Variants in THEMIS observed in about 807,000 individuals in gnomAD.
THEMIS encodes the protein protein THEMIS.
A neutral mutation model predicts 52.6 loss-of-function variants in THEMIS; 37 were observed. That is an observed-to-expected ratio of 0.70 (90% CI 0.54 to 0.93). The LOEUF (loss-of-function observed/expected upper bound fraction) is 0.93. Ranked by LOEUF, THEMIS falls within the 40% of genes least tolerant of loss-of-function variation. THEMIS has a pLI of 0.00. For synonymous variants in THEMIS, 292 were observed against 272.7 expected (o/e 1.07, Z -0.70); for missense variants, 808 against 763.1 (o/e 1.06, Z -0.69).
intron 1 of THEMIS, among the ~76,000 whole-genome samples, chr6:127,875,934 T>C (rs558011148): frequency 6.6e-6 from 1 of 152,320 alleles, no homozygotes; most frequent in Admixed American, 6.5e-5. Flanking sequence ...GGATGTCTGG[T>C]TATTAATATT....
intron 4 of THEMIS, among the ~76,000 whole-genome samples, chr6:127,723,369 C>T (rs1774428759): frequency 6.6e-6 from 1 of 152,056 alleles, no homozygotes; most frequent in Non-Finnish European, 1.5e-5. Context: ...CCTCCTTCCA[C>T]TCTGAGTGCT....
At chr6:127,907,377 C>T (rs112277793) in intron 1 of THEMIS, among the ~76,000 whole-genome samples, 1,518 of 60,538 alleles carry the variant, frequency 0.025, 15 homozygotes, top group Middle Eastern at 0.061. Context: ...GCATGAGCGA[C>T]ATTTCAGGGA....
chr6:127,759,923 G>A (rs1411422193), intron 4 of THEMIS, among the ~76,000 whole-genome samples: 1 of 131,846 alleles, frequency 7.6e-6, no homozygotes, highest in Non-Finnish European at 1.5e-5. Flanking sequence ...ATAATCTCTT[G>A]TTCATAGGGT....
At chr6:127,862,671 C>T (rs987323236) in intron 1 of THEMIS, among the ~76,000 whole-genome samples, 13 of 151,808 alleles carry the variant, frequency 8.6e-5, no homozygotes, top group South Asian at 4.2e-4. Flanking sequence ...CCACCCACCT[C>T]GGCCTCCCAA....
Position 127,709,510 on chromosome 6 carries a change from T to G in THEMIS, c.*475A>C, listed in dbSNP as rs1359648101. On this transcript the variant is annotated 3_prime_UTR_variant, in exon 6 of 6. Coordinates refer to ENST00000368248, the MANE Select transcript of THEMIS (RefSeq NM_001010923.3). ...ATTTGGATAAGAAACCTGAACATTT[T>G]AAATCAGTCAGATATAATTATTTTT... is the stretch of plus-strand genomic sequence containing the variant. 2 of 152,518 alleles carry G rather than the reference T, an allele frequency of 1.3e-5. No individual in the cohort carries two copies. The highest frequency in any genetic ancestry group is 1.5e-5 in the Non-Finnish European group (1 of 68,320). The allele number at this position is 152,518 out of a possible 1,614,324, so 9.4% of individuals were successfully genotyped here. A position where few individuals can be genotyped will look rare whatever the true frequency, so the allele number is the denominator to read the frequency against.
In THEMIS at chr6:127,859,784, T is replaced by G. The variant is rs371018569; in HGVS notation, c.92-4596A>C. Among the ~76,000 whole-genome samples, 57 of 152,272 alleles carry G rather than the reference T, an allele frequency of 3.7e-4. 1 individual carries two copies. The East Asian group carries it at 3.9e-3, about 10-fold the overall frequency. ...AGTTAAGTTTGCATAAAGAGGGAGC[T>G]CATGTGACCATCTGAGATATATTTT... On this transcript the variant is annotated intron_variant, in intron 1 of 5. Transcript: ENST00000368248.
chr6:127,766,677 T>C (rs569956499), intron 4 of THEMIS, among the ~76,000 whole-genome samples: 68 of 152,324 alleles, frequency 4.5e-4, no homozygotes, highest in African/African-American at 1.6e-3. Flanking sequence ...GTTCCTGTAC[T>C]GAATACTCTA....
chr6:127,834,314 T>C (rs62425526), intron 2 of THEMIS, among the ~76,000 whole-genome samples: 66,669 of 150,936 alleles, frequency 0.44, 14,981 homozygotes, highest in East Asian at 0.6. Context: ...GTCACGCCTG[T>C]AATCCCAGTA....
intron 4 of THEMIS, among the ~76,000 whole-genome samples, chr6:127,750,146 C>T (rs539561903): frequency 1.3e-5 from 2 of 150,986 alleles, no homozygotes; most frequent in East Asian, 1.9e-4. Context: ...TTTGTTGTAC[C>T]TAGGTTGTAA....
chr6:127,911,056 G>GCAGCT (rs1562335705), intron 1 of THEMIS, among the ~76,000 whole-genome samples: 27 of 151,498 alleles, frequency 1.8e-4, no homozygotes, highest in African/African-American at 6.4e-4. Flanking sequence ...TTATGGGTTT[G>GCAGCT]GGGAGGAAGA....
chr6:127,854,037 C>G (rs1348488186), intron 2 of THEMIS, among the ~76,000 whole-genome samples: 1 of 151,740 alleles, frequency 6.6e-6, no homozygotes, highest in African/African-American at 2.4e-5. Flanking sequence ...TTCTCTTCCA[C>G]TGGTCATTCA....
At chr6:127,776,294 G>A (rs189573790) in intron 4 of THEMIS, among the ~76,000 whole-genome samples, 1 of 152,322 alleles carries the variant, frequency 6.6e-6, no homozygotes, top group East Asian at 1.9e-4. Flanking sequence ...ATTGTAGGCG[G>A]ATTTAGTGAC....
chr6:127,805,552 AC>A (rs1231484114), intron 4 of THEMIS, among the ~76,000 whole-genome samples: 1 of 151,910 alleles, frequency 6.6e-6, no homozygotes, highest in African/African-American at 2.4e-5. Context: ...TTTTCTTCTT[AC>A]GTTTTTTACT....
chr6:127,784,294 C>A (rs1583273462), intron 4 of THEMIS, among the ~76,000 whole-genome samples: 1 of 152,092 alleles, frequency 6.6e-6, no homozygotes, highest in East Asian at 1.9e-4. Context: ...AGATGATGGG[C>A]TGATGGGTGC....
In THEMIS at chr6:127,719,732, T is replaced by C; in HGVS notation, c.1850A>G (p.Asp617Gly). The C allele has an allele frequency of 1.2e-6, 2 of 1,612,364 alleles. No homozygotes were observed. Among genetic ancestry groups the C allele is most frequent in the Non-Finnish European group, 1.7e-6 (2 of 1,178,962 alleles). The change falls in exon 5 of 6, where the codon GAT becomes GGT. Residue 617 changes from aspartate (D) to glycine (G), a missense_variant. Transcript: ENST00000368248. ...ACGGTTGCTCCTTTCTTTCTCTTCA[T>C]CCACCAAATCATTCTGACTACCAAT... ...VLIGSQNDLVDEEKERSNRGA... is the reference protein window; with the variant it reads ...VLIGSQNDLVGEEKERSNRGA...
intron 4 of THEMIS, among the ~76,000 whole-genome samples, chr6:127,734,913 ATGTGTGTGTG>A (rs67013117): frequency 3.8e-5 from 4 of 106,452 alleles, no homozygotes; most frequent in Non-Finnish European, 7.1e-5. Context: ...ATATATATAT[ATGTGTGTGTG>A]TGTGTGTGTG....
Position 127,787,898 on chromosome 6 carries a change from T to A in THEMIS, c.1758+24985A>T, listed in dbSNP as rs1278894315. ...AGATAGATATAGATAGATAGATAGA[T>A]AGATAGATAGATAGATAGATAAATA... On this transcript the variant is annotated intron_variant, in intron 4 of 5. Transcript: ENST00000368248. Among the ~76,000 whole-genome samples the A allele has an allele frequency of 2.0e-5, 3 of 150,330 alleles. No homozygotes were observed. In the South Asian group the frequency reaches 6.3e-4, roughly 32 times the overall value.
intron 4 of THEMIS, among the ~76,000 whole-genome samples, chr6:127,796,944 G>A (rs1299979667): frequency 6.6e-6 from 1 of 152,174 alleles, no homozygotes; most frequent in Non-Finnish European, 1.5e-5. Context: ...ATAGTCTTTA[G>A]TGAGTACATG....
chr6:127,890,976 C>T (rs1272165531), intron 1 of THEMIS, among the ~76,000 whole-genome samples: 1 of 152,042 alleles, frequency 6.6e-6, no homozygotes, highest in Non-Finnish European at 1.5e-5. Context: ...ATGGATAGGG[C>T]ATTCCAACCA....
Sources: gnomAD v4.1 joint callset for allele counts (sites outside exome capture counted in the v4.1 genomes callset) on GRCh38, gnomAD v4.1.1 for gene constraint, MANE v1.5 for transcripts, NCBI Gene and HGNC (gene_info 2026-07-23, HGNC 2026-07-21) for gene names.